Variants in RAPGEF5 observed in about 807,000 individuals in gnomAD.
The protein encoded by RAPGEF5 is M-Ras-regulated GEF.
RAPGEF5 carries 65 observed loss-of-function variants against 125.2 expected under a neutral mutation model. That is an observed-to-expected ratio of 0.52 (90% CI 0.43 to 0.64). RAPGEF5 has a LOEUF of 0.64. Ranked by LOEUF, RAPGEF5 falls within the 30% of genes least tolerant of loss-of-function variation. The pLI is 0.00. For synonymous variants in RAPGEF5, 391 were observed against 385.9 expected, an observed-to-expected ratio of 1.01 and a Z score of -0.16; for missense variants, 958 against 1,048.1, an observed-to-expected ratio of 0.91 and a Z score of 1.19.
At chr7:22,193,302 CT>C in intron 11 of RAPGEF5, 64 bp downstream of exon 11, 1 of 1,506,336 alleles carries the variant, frequency 6.6e-7, no homozygotes, top group Non-Finnish European at 9.0e-7. Flanking sequence ...AACCTTGCCC[CT>C]GAGGGTACTG....
At chr7:22,144,928 A>C (rs1196859892) in intron 20 of RAPGEF5, 116 bp downstream of exon 20, 1 of 1,189,718 alleles carries the variant, frequency 8.4e-7, no homozygotes, top group African/African-American at 1.5e-5. Context: ...TAGTCATTTA[A>C]CTCCATATTA....
intron 11 of RAPGEF5, among the ~76,000 whole-genome samples, chr7:22,167,482 A>G (rs1161272084): frequency 2.6e-5 from 4 of 152,230 alleles, no homozygotes; most frequent in Admixed American, 2.0e-4. Flanking sequence ...TGTGCTTTAA[A>G]AAATAAATTT....
At chr7:22,184,345 ATAAAC>A (rs1410025353) in intron 11 of RAPGEF5, among the ~76,000 whole-genome samples, 1 of 152,236 alleles carries the variant, frequency 6.6e-6, no homozygotes, top group Non-Finnish European at 1.5e-5. Context: ...TAATCATTGA[ATAAAC>A]TACTCTACAT....
At chr7:22,181,929 T>A (rs971508571) in intron 11 of RAPGEF5, among the ~76,000 whole-genome samples, 1 of 152,190 alleles carries the variant, frequency 6.6e-6, no homozygotes, top group East Asian at 1.9e-4. Context: ...ACACAAAGAA[T>A]ATCTCTTTTA....
At chr7:22,199,051 T>C (rs1785214890) in intron 9 of RAPGEF5, among the ~76,000 whole-genome samples, 1 of 152,312 alleles carries the variant, frequency 6.6e-6, no homozygotes, top group East Asian at 1.9e-4. Context: ...GGCAATCTGT[T>C]GGTTGGTCAG....
chr7:22,240,632 C>T (rs1786307756), intron 7 of RAPGEF5, among the ~76,000 whole-genome samples: 1 of 152,130 alleles, frequency 6.6e-6, no homozygotes, highest in Non-Finnish European at 1.5e-5. Flanking sequence ...CTCAGCCTCT[C>T]AAAGTGCTGG....
At chr7:22,263,183 A>G (rs1782197261) in intron 7 of RAPGEF5, among the ~76,000 whole-genome samples, 3 of 152,208 alleles carry the variant, frequency 2.0e-5, no homozygotes. Context: ...AAGTCAGTGT[A>G]GCTATAAAGG....
chr7:22,321,771 C>A (rs532567871), intron 1 of RAPGEF5, among the ~76,000 whole-genome samples: 1 of 152,126 alleles, frequency 6.6e-6, no homozygotes, highest in Non-Finnish European at 1.5e-5. Flanking sequence ...TTCTTACAAA[C>A]CCAGGAAGAT....
intron 7 of RAPGEF5, among the ~76,000 whole-genome samples, chr7:22,233,650 G>A (rs912347345): frequency 2.6e-5 from 4 of 151,930 alleles, no homozygotes; most frequent in South Asian, 2.1e-4. Flanking sequence ...CTCCCGTCTC[G>A]GCCTCCCAAA....
intron 7 of RAPGEF5, among the ~76,000 whole-genome samples, chr7:22,231,293 C>T (rs1786050007): frequency 6.6e-6 from 1 of 152,010 alleles, no homozygotes; most frequent in Admixed American, 6.6e-5. Flanking sequence ...GGCTTTCTGG[C>T]TGGCAGTTTA....
At chr7:22,148,178 C>T (rs1783505042) in intron 18 of RAPGEF5, among the ~76,000 whole-genome samples, 1 of 152,142 alleles carries the variant, frequency 6.6e-6, no homozygotes, top group African/African-American at 2.4e-5. Context: ...ATTGGTCTGG[C>T]CAGGCTAAGA....
At chr7:22,274,753 C>G (rs751215535) in intron 6 of RAPGEF5, among the ~76,000 whole-genome samples, 6 of 152,206 alleles carry the variant, frequency 3.9e-5, no homozygotes, top group Non-Finnish European at 7.3e-5. Context: ...CCATCACTGT[C>G]TCCTACTCAG....
intron 7 of RAPGEF5, among the ~76,000 whole-genome samples, chr7:22,237,608 TC>T (rs1418428449): frequency 6.6e-6 from 1 of 152,178 alleles, no homozygotes; most frequent in East Asian, 1.9e-4. Flanking sequence ...CTGTTACATT[TC>T]TTCCCTGCTA....
chr7:22,331,388 A>G (rs537422521), intron 1 of RAPGEF5, among the ~76,000 whole-genome samples: 1 of 152,296 alleles, frequency 6.6e-6, no homozygotes, highest in East Asian at 1.9e-4. Context: ...CGATCTTTCT[A>G]TACCCTCTTA....
chr7:22,139,100 C>G (rs7802965), intron 21 of RAPGEF5, among the ~76,000 whole-genome samples: 6,393 of 152,148 alleles, frequency 0.042, 439 homozygotes, highest in African/African-American at 0.15. Context: ...CACAGGTTGC[C>G]CAGAGACCTA....
At chr7:22,218,794 A>C (rs1016005320) in intron 9 of RAPGEF5, among the ~76,000 whole-genome samples, 3 of 152,316 alleles carry the variant, frequency 2.0e-5, no homozygotes, top group African/African-American at 7.2e-5. Context: ...ATCCACACTT[A>C]AAGTCAATAG....
At chr7:22,138,085 A>C (rs10253588) in intron 21 of RAPGEF5, among the ~76,000 whole-genome samples, 6,153 of 152,032 alleles carry the variant, frequency 0.04, 407 homozygotes, top group African/African-American at 0.14. Context: ...TTAAATGAGA[A>C]GACACAAAAT....
At chr7:22,324,491 T>C (rs1783776951) in intron 1 of RAPGEF5, among the ~76,000 whole-genome samples, 1 of 152,194 alleles carries the variant, frequency 6.6e-6, no homozygotes, top group African/African-American at 2.4e-5. Context: ...AATTGTGCTG[T>C]GGTTATGTAG....
intron 11 of RAPGEF5, among the ~76,000 whole-genome samples, chr7:22,176,848 A>C (rs1784525175): frequency 6.6e-6 from 1 of 152,172 alleles, no homozygotes; most frequent in Non-Finnish European, 1.5e-5. Flanking sequence ...GTTCTTTCGA[A>C]ATAATCTGGC....
Sources: gnomAD v4.1 joint callset for allele counts (sites outside exome capture counted in the v4.1 genomes callset) on GRCh38, gnomAD v4.1.1 for gene constraint, MANE v1.5 for transcripts, NCBI Gene and HGNC (gene_info 2026-07-23, HGNC 2026-07-21) for gene names.